The following SUCLG2 variants were observed in gnomAD, a reference collection of about 807,000 sequenced individuals.
SUCLG2 encodes the protein succinate--CoA ligase [GDP-forming] subunit beta, mitochondrial.
SUCLG2 carries 42 observed loss-of-function variants against 47.9 expected under a neutral mutation model. That is an observed-to-expected ratio of 0.88 (90% CI 0.69 to 1.14). The LOEUF is 1.14. SUCLG2 is among the 50% of genes most tolerant of loss of function. The probability of loss-of-function intolerance (pLI) is 0.00; values close to 1 mark genes in which losing one functional copy is unlikely to be tolerated. For synonymous variants in SUCLG2, 195 were observed against 197.3 expected (o/e 0.99, Z 0.10); for missense variants, 571 against 525.9 (o/e 1.09, Z -0.84).
chr3:67,391,448 T>C (rs1702379921), intron 10 of SUCLG2, among the ~76,000 whole-genome samples: 1 of 152,112 alleles, frequency 6.6e-6, no homozygotes, highest in Admixed American at 6.5e-5. Context: ...GAAAGAAACC[T>C]TTGGGTATTA....
Position 67,395,819 on chromosome 3 carries a change from G to A in SUCLG2, c.1183+4912C>T, listed in dbSNP as rs1274061312. ...AAAAGAACAGAAATTATAACAAACTGTCTCTCAGACCACAGTGCAATCAAA... is the reference window on the plus strand; with the variant it reads ...AAAAGAACAGAAATTATAACAAACTATCTCTCAGACCACAGTGCAATCAAA... On this transcript the variant is annotated intron_variant, in intron 10 of 10. Coordinates refer to ENST00000307227, the MANE Select transcript of SUCLG2 (RefSeq NM_003848.4). 4.6e-5 allele frequency among the ~76,000 whole-genome samples: 7 copies of A among 152,194 alleles called. No individual in the cohort carries two copies. The East Asian group carries it at 1.4e-3, about 29-fold the overall frequency.
intron 2 of SUCLG2, among the ~76,000 whole-genome samples, chr3:67,581,647 A>C (rs763505277): frequency 1.3e-5 from 2 of 152,232 alleles, no homozygotes; most frequent in African/African-American, 2.4e-5. Context: ...GATGAAAAGA[A>C]AACAAAGACA....
intron 2 of SUCLG2, among the ~76,000 whole-genome samples, chr3:67,597,753 T>C (rs1708325707): frequency 6.6e-6 from 1 of 151,732 alleles, no homozygotes; most frequent in Admixed American, 6.6e-5. Context: ...GCCTGGCCAA[T>C]ATGGTAAAAC....
chr3:67,535,106 A>C (rs536772385), intron 2 of SUCLG2, among the ~76,000 whole-genome samples: 1 of 152,268 alleles, frequency 6.6e-6, no homozygotes, highest in East Asian at 1.9e-4. Context: ...GAAAGCCAAA[A>C]GTATTTCTAC....
At chr3:67,622,168 T>C (rs920743814) in intron 1 of SUCLG2, among the ~76,000 whole-genome samples, 24 of 152,222 alleles carry the variant, frequency 1.6e-4, no homozygotes, top group African/African-American at 5.3e-4. Context: ...AATGGAATAC[T>C]GTAAAATGGT....
chr3:67,379,387 A>G (rs1702104804), intron 10 of SUCLG2, among the ~76,000 whole-genome samples: 1 of 152,118 alleles, frequency 6.6e-6, no homozygotes, highest in African/African-American at 2.4e-5. Context: ...GTCTTCCTCC[A>G]TTTCAGATCC....
intron 9 of SUCLG2, among the ~76,000 whole-genome samples, chr3:67,471,643 A>C (rs746545343): frequency 5.3e-5 from 8 of 152,092 alleles, no homozygotes; most frequent in Admixed American, 2.0e-4. Flanking sequence ...TGGGAGAGAA[A>C]TGATGATGAT....
chr3:67,493,719 A>G (rs1705260784), intron 9 of SUCLG2, among the ~76,000 whole-genome samples: 1 of 152,098 alleles, frequency 6.6e-6, no homozygotes, highest in African/African-American at 2.4e-5. Context: ...TGTGTGGTTC[A>G]AGCAGCTTAA....
At chr3:67,594,367 C>T (rs1708246618) in intron 2 of SUCLG2, among the ~76,000 whole-genome samples, 1 of 152,200 alleles carries the variant, frequency 6.6e-6, no homozygotes, top group Non-Finnish European at 1.5e-5. Flanking sequence ...CTTTTCTAAA[C>T]TTCATTCTCA....
chr3:67,651,043 C>T (rs1019717862), intron 1 of SUCLG2, among the ~76,000 whole-genome samples: 4 of 152,198 alleles, frequency 2.6e-5, no homozygotes, highest in African/African-American at 9.7e-5. Flanking sequence ...CAACATGGCC[C>T]CTGTCTACCA....
At chr3:67,525,586 T>G (rs1007675086) in intron 4 of SUCLG2, among the ~76,000 whole-genome samples, 1 of 152,102 alleles carries the variant, frequency 6.6e-6, no homozygotes, top group African/African-American at 2.4e-5. Flanking sequence ...TTTTGCCCCT[T>G]AAAAAATAAC....
intron 9 of SUCLG2, among the ~76,000 whole-genome samples, chr3:67,467,686 A>G (rs1269393362): frequency 6.6e-6 from 1 of 152,184 alleles, no homozygotes. Context: ...AATGGAAATG[A>G]ATAATAATTA....
intron 5 of SUCLG2, 62 bp from the exon 6 acceptor site, chr3:67,518,398 A>C: frequency 5.5e-6 from 8 of 1,466,588 alleles, no homozygotes; most frequent in Non-Finnish European, 7.5e-6. Flanking sequence ...TTACAACCTC[A>C]AAAGAAAATG....
chr3:67,624,689 T>C (rs1481327419), intron 1 of SUCLG2, among the ~76,000 whole-genome samples: 2 of 152,156 alleles, frequency 1.3e-5, no homozygotes, highest in Non-Finnish European at 2.9e-5. Context: ...AGAGGGTAAA[T>C]CATCCAAATA....
At chr3:67,486,585 G>A (rs992545731) in intron 9 of SUCLG2, among the ~76,000 whole-genome samples, 2 of 152,014 alleles carry the variant, frequency 1.3e-5, no homozygotes, top group South Asian at 4.1e-4. Flanking sequence ...AATATATATT[G>A]TTGCTTCTCA....
chr3:67,530,622 C>A (rs1172584381), intron 2 of SUCLG2, among the ~76,000 whole-genome samples: 2 of 152,204 alleles, frequency 1.3e-5, no homozygotes, highest in African/African-American at 4.8e-5. Flanking sequence ...GATGTCACAC[C>A]ATTGAGGCTC....
chr3:67,538,621 T>C (rs1292803901), intron 2 of SUCLG2, among the ~76,000 whole-genome samples: 1 of 152,228 alleles, frequency 6.6e-6, no homozygotes, highest in East Asian at 1.9e-4. Context: ...TTCATGGGGA[T>C]AGCATTCAAT....
intron 9 of SUCLG2, among the ~76,000 whole-genome samples, chr3:67,412,958 C>A (rs72918940): frequency 0.029 from 4,386 of 152,188 alleles, 213 homozygotes; most frequent in African/African-American, 0.1. Context: ...TGTTCAGTTA[C>A]CCCCTCTCCA....
intron 2 of SUCLG2, among the ~76,000 whole-genome samples, chr3:67,603,570 G>T (rs1708467622): frequency 6.6e-6 from 1 of 152,126 alleles, no homozygotes; most frequent in South Asian, 2.1e-4. Flanking sequence ...GGCCAGAGAA[G>T]ATTAATTTCT....
Sources: allele counts gnomAD v4.1 joint callset (sites outside exome capture counted in the v4.1 genomes callset), GRCh38; gene constraint gnomAD v4.1.1; transcripts MANE v1.5; gene names NCBI Gene and HGNC (gene_info 2026-07-23, HGNC 2026-07-21).